The following SPECC1 variants were observed in gnomAD, a reference collection of about 807,000 sequenced individuals.
The protein encoded by SPECC1 is sperm antigen with calponin homology and coiled-coil domains 1, also known as cytospin-B.
Under a neutral mutation model 104.1 loss-of-function variants are expected in SPECC1, and 62 were observed. That is an observed-to-expected ratio of 0.60 (90% CI 0.49 to 0.74). The LOEUF is 0.74. Ranked by LOEUF, SPECC1 falls within the 30% of genes least tolerant of loss-of-function variation. The pLI is 0.00. For missense variants in SPECC1, 1,306 were observed against 1,310.5 expected (o/e 1.00, Z 0.05); for synonymous variants, 513 against 501.6 (o/e 1.02, Z -0.30).
At chr17:20,128,008 A>G (rs1318972812) in intron 3 of SPECC1, among the ~76,000 whole-genome samples, 3 of 152,130 alleles carry the variant, frequency 2.0e-5, no homozygotes. Flanking sequence ...CAGTCCATAT[A>G]CATTACTGAA....
intron 12 of SPECC1, among the ~76,000 whole-genome samples, chr17:20,294,590 G>C (rs1161533144): frequency 6.6e-6 from 1 of 151,738 alleles, no homozygotes; most frequent in East Asian, 1.9e-4. Context: ...TGATGACGGT[G>C]GTGGGGATGA....
chr17:20,193,623 G>C (rs968521118), intron 3 of SPECC1, among the ~76,000 whole-genome samples: 1 of 152,186 alleles, frequency 6.6e-6, no homozygotes, highest in Non-Finnish European at 1.5e-5. Flanking sequence ...TTTCGACAGA[G>C]GGTGGTATCT....
intron 1 of SPECC1, among the ~76,000 whole-genome samples, chr17:20,068,362 C>T (rs561865882): frequency 6.6e-6 from 1 of 152,288 alleles, no homozygotes; most frequent in Admixed American, 6.5e-5. Flanking sequence ...TGTGGATGTA[C>T]ACTTTATATT....
intron 1 of SPECC1, among the ~76,000 whole-genome samples, chr17:20,012,523 T>A (rs2043979636): frequency 6.6e-6 from 1 of 151,954 alleles, no homozygotes; most frequent in Non-Finnish European, 1.5e-5. Context: ...TTATTTAATT[T>A]TTTTTTTGTT....
intron 1 of SPECC1, among the ~76,000 whole-genome samples, chr17:20,091,352 A>G (rs2047392814): frequency 6.6e-6 from 1 of 152,282 alleles, no homozygotes; most frequent in Admixed American, 6.5e-5. Context: ...GGTGAGGCTA[A>G]GCAGATATGT....
intron 4 of SPECC1, among the ~76,000 whole-genome samples, chr17:20,211,651 C>T (rs2037156641): frequency 6.6e-6 from 1 of 152,256 alleles, no homozygotes; most frequent in South Asian, 2.1e-4. Flanking sequence ...CCTCTCCCGA[C>T]ACCCCCAGGT....
chr17:20,035,996 A>T (rs991947531), intron 1 of SPECC1, among the ~76,000 whole-genome samples: 4 of 152,004 alleles, frequency 2.6e-5, no homozygotes, highest in Admixed American at 6.5e-5. Flanking sequence ...ATTTTTTAGT[A>T]GAGATGGGGT....
rs1201236106 is a variant in SPECC1 at position 20,121,164 on chromosome 17, C to G, written c.283+10602C>G. 2.0e-5 allele frequency among the ~76,000 whole-genome samples: 3 copies of G among 152,270 alleles called. No individual in the cohort carries two copies. The East Asian group carries it at 5.8e-4, about 29-fold the overall frequency. On this transcript the variant is annotated intron_variant, in intron 3 of 14. Transcript: ENST00000395527. Reference sequence around the variant, plus strand: ...GCTTCTCTGAGCTGCTGTCTCTATTCATGCTCACAATAGCCATAGGAAGAG... The same window carrying G: ...GCTTCTCTGAGCTGCTGTCTCTATTGATGCTCACAATAGCCATAGGAAGAG...
At chr17:20,073,091 T>A (rs2046621888) in intron 1 of SPECC1, among the ~76,000 whole-genome samples, 1 of 152,120 alleles carries the variant, frequency 6.6e-6, no homozygotes, top group Admixed American at 6.5e-5. Context: ...CGAAAAAAAA[T>A]TGCAACAAAT....
At chr17:20,043,277 C>T (rs1323516576) in intron 1 of SPECC1, among the ~76,000 whole-genome samples, 1 of 152,168 alleles carries the variant, frequency 6.6e-6, no homozygotes, top group African/African-American at 2.4e-5. Flanking sequence ...CATCTTCCTT[C>T]CTGTATCTAA....
chr17:20,085,494 C>A (rs867150507), intron 1 of SPECC1, among the ~76,000 whole-genome samples: 1 of 152,202 alleles, frequency 6.6e-6, no homozygotes, highest in African/African-American at 2.4e-5. Context: ...ATCCCAGGAG[C>A]AGCCTGCAAA....
chr17:20,011,233 C>T (rs4925065), intron 1 of SPECC1, among the ~76,000 whole-genome samples: 76,804 of 152,010 alleles, frequency 0.51, 19,887 homozygotes, highest in African/African-American at 0.56. Flanking sequence ...AACTTGACTG[C>T]AGACTGCCTG....
chr17:20,063,484 T>G (rs1365712915), intron 1 of SPECC1, among the ~76,000 whole-genome samples: 1 of 152,262 alleles, frequency 6.6e-6, no homozygotes, highest in African/African-American at 2.4e-5. Context: ...GCTTTTCATT[T>G]TATTAATCTT....
At chr17:20,236,325 G>T (rs140728943) in intron 7 of SPECC1, among the ~76,000 whole-genome samples, 2 of 152,154 alleles carry the variant, frequency 1.3e-5, no homozygotes, top group East Asian at 1.9e-4. Context: ...CCCTCACCTA[G>T]TACTCTTTTT....
intron 13 of SPECC1, among the ~76,000 whole-genome samples, chr17:20,303,907 C>G (rs907355688): frequency 6.6e-6 from 1 of 151,674 alleles, no homozygotes; most frequent in South Asian, 2.1e-4. Flanking sequence ...GAGCCGAGAT[C>G]GTGCCACTGC....
At chr17:20,288,559 C>T (rs1468311667) in intron 12 of SPECC1, among the ~76,000 whole-genome samples, 6 of 152,048 alleles carry the variant, frequency 3.9e-5, no homozygotes, top group African/African-American at 1.2e-4. Flanking sequence ...GCCAGAATGG[C>T]GATTATTAAA....
At chr17:20,122,705 T>A (rs888782744) in intron 3 of SPECC1, among the ~76,000 whole-genome samples, 3 of 152,056 alleles carry the variant, frequency 2.0e-5, no homozygotes, top group African/African-American at 7.3e-5. Context: ...CTGCTCTCAG[T>A]TCCTCATAGG....
intron 1 of SPECC1, among the ~76,000 whole-genome samples, chr17:20,053,021 G>A (rs778294384): frequency 6.6e-6 from 1 of 152,226 alleles, no homozygotes; most frequent in African/African-American, 2.4e-5. Context: ...TTGGCCCCAA[G>A]TCAATGGGTA....
intron 1 of SPECC1, among the ~76,000 whole-genome samples, chr17:20,064,777 A>G (rs2046305896): frequency 6.6e-6 from 1 of 152,226 alleles, no homozygotes; most frequent in Non-Finnish European, 1.5e-5. Context: ...CAGGGAGGGC[A>G]TGATGAACCT....
Sources: allele counts gnomAD v4.1 joint callset (sites outside exome capture counted in the v4.1 genomes callset), GRCh38; gene constraint gnomAD v4.1.1; transcripts MANE v1.5; gene names NCBI Gene and HGNC (gene_info 2026-07-23, HGNC 2026-07-21).